Variants in RTL4 observed in about 807,000 individuals in gnomAD.
RTL4 encodes retrotransposon Gag like 4.
RTL4 carries 4 observed loss-of-function variants against 5.3 expected under a neutral mutation model. The observed-to-expected ratio is 0.75, with a 90% confidence interval of 0.37 to 1.72. RTL4 has a LOEUF of 1.72. RTL4 is among the 40% of genes most tolerant of loss of function. The pLI is 0.04. For synonymous variants in RTL4, 98 were observed against 87.3 expected, an observed-to-expected ratio of 1.12 and a Z score of -0.68; for missense variants, 260 against 227.1, an observed-to-expected ratio of 1.14 and a Z score of -0.93.
At chrX:112,410,469 G>C in the RTL4 span, among the ~76,000 whole-genome samples, 2 of 111,927 alleles carry the variant, frequency 1.8e-5, no homozygotes, top group African/African-American at 6.5e-5. Context: ...CTCAAGGACA[G>C]ACTATATGTT....
chrX:112,393,147 C>CTTTTTTTTTTTTGTTTTTTT, the RTL4 span, among the ~76,000 whole-genome samples: 4 of 81,467 alleles, frequency 4.9e-5, no homozygotes, highest in African/African-American at 5.1e-5. Context: ...TTCTTTCTTT[C>CTTTTTTTTTTTTGTTTTTTT]TTTTTTTTTT....
chrX:112,218,568 T>A, the RTL4 span, among the ~76,000 whole-genome samples: 10 of 112,109 alleles, frequency 8.9e-5, no homozygotes, highest in Middle Eastern at 4.2e-3. Flanking sequence ...TTAAGCCAGT[T>A]CTCAGCACAT....
At chrX:112,296,757 C>T in the RTL4 span, among the ~76,000 whole-genome samples, 1 of 104,687 alleles carries the variant, frequency 9.6e-6, no homozygotes, top group Non-Finnish European at 2.0e-5. Context: ...CTACAGGTGC[C>T]TGCCACCACG....
At chrX:112,181,168 G>A in the RTL4 span, among the ~76,000 whole-genome samples, 844 of 111,805 alleles carry the variant, frequency 7.5e-3, 4 homozygotes, top group South Asian at 0.015. Flanking sequence ...CGCTTTTACC[G>A]TGGTCTTCAC....
chrX:112,268,859 C>A, the RTL4 span, among the ~76,000 whole-genome samples: 1 of 111,989 alleles, frequency 8.9e-6, no homozygotes, highest in African/African-American at 3.2e-5. Flanking sequence ...ACCTCTACTG[C>A]AAATCCACTC....
chrX:112,419,337 CTTTTTTTTTTTTTTTTTTTTTTTT>C, the RTL4 span, among the ~76,000 whole-genome samples: 7 of 24,388 alleles, frequency 2.9e-4, no homozygotes, highest in Admixed American at 9.1e-4. Flanking sequence ...TTCCATTCAG[CTTTTTTTTTTTTTTTTTTTTTTTT>C]TTTTTTTTTT....
the RTL4 span, among the ~76,000 whole-genome samples, chrX:112,171,078 G>A: frequency 8.9e-5 from 10 of 111,962 alleles, no homozygotes; most frequent in African/African-American, 3.2e-4. Context: ...AACCAATCTT[G>A]CATCCCAGGA....
At chrX:112,239,287 A>G in the RTL4 span, among the ~76,000 whole-genome samples, 6 of 110,978 alleles carry the variant, frequency 5.4e-5, no homozygotes, top group East Asian at 1.7e-3. Flanking sequence ...AGTGGGGCCT[A>G]GTGGGGAGGC....
At chrX:112,301,457 T>C in the RTL4 span, among the ~76,000 whole-genome samples, 1 of 99,325 alleles carries the variant, frequency 1.0e-5, no homozygotes, top group Non-Finnish European at 2.0e-5. Context: ...TTATTAATAC[T>C]AATAAAGAAA....
chrX:112,218,603 A>G, the RTL4 span, among the ~76,000 whole-genome samples: 170 of 111,706 alleles, frequency 1.5e-3, no homozygotes, highest in African/African-American at 5.3e-3. Flanking sequence ...GCCCCCTACC[A>G]TACTCTCATA....
At chrX:112,293,714 T>C in the RTL4 span, among the ~76,000 whole-genome samples, 2,416 of 111,948 alleles carry the variant, frequency 0.022, 66 homozygotes, top group African/African-American at 0.072. Context: ...GCCACAAAAC[T>C]GTTGCTAAGG....
the RTL4 span, among the ~76,000 whole-genome samples, chrX:112,296,749 A>G: frequency 3.8e-5 from 4 of 105,502 alleles, no homozygotes; most frequent in African/African-American, 1.4e-4. Flanking sequence ...AGCTGGGACT[A>G]CAGGTGCCTG....
the RTL4 span, among the ~76,000 whole-genome samples, chrX:112,093,215 G>A: frequency 9.0e-6 from 1 of 111,214 alleles, no homozygotes; most frequent in Non-Finnish European, 1.9e-5. Flanking sequence ...TTGGGTTTTG[G>A]CACCTCCAAT....
At chrX:112,353,775 T>A in the RTL4 span, among the ~76,000 whole-genome samples, 192 of 110,214 alleles carry the variant, frequency 1.7e-3, no homozygotes, top group African/African-American at 6.0e-3. Context: ...ATGGCACATG[T>A]ATACATATGT....
chrX:112,169,117 G>T, the RTL4 span, among the ~76,000 whole-genome samples: 24 of 84,912 alleles, frequency 2.8e-4, no homozygotes, highest in Non-Finnish European at 3.8e-4. Flanking sequence ...TCTTTTTTGG[G>T]TTTTATTTTT....
the RTL4 span, among the ~76,000 whole-genome samples, chrX:112,154,689 T>G: frequency 8.9e-6 from 1 of 111,977 alleles, no homozygotes; most frequent in East Asian, 2.8e-4. Flanking sequence ...TGTAAAATCG[T>G]TGGGACATGC....
chrX:112,282,343 G>A, the RTL4 span, among the ~76,000 whole-genome samples: 1 of 111,901 alleles, frequency 8.9e-6, no homozygotes, highest in Non-Finnish European at 1.9e-5. Flanking sequence ...ATTGGTTTAT[G>A]TGTTTGTTTT....
chrX:112,303,011 C>T, the RTL4 span, among the ~76,000 whole-genome samples: 133 of 111,904 alleles, frequency 1.2e-3, no homozygotes, highest in South Asian at 3.7e-3. Flanking sequence ...TCTTGGCTCC[C>T]GATGCCTTGT....
the RTL4 span, among the ~76,000 whole-genome samples, chrX:112,254,335 AT>A: frequency 0.2 from 20,301 of 102,760 alleles, 1,707 homozygotes; most frequent in African/African-American, 0.31. Flanking sequence ...CTTCTTTTTA[AT>A]TTTTTTTTTT....
Sources: allele counts gnomAD v4.1 joint callset (sites outside exome capture counted in the v4.1 genomes callset), GRCh38; gene constraint gnomAD v4.1.1; transcripts MANE v1.5; gene names NCBI Gene and HGNC (gene_info 2026-07-23, HGNC 2026-07-21).